Variants in HMGCS2 observed in about 807,000 individuals in gnomAD.
The protein encoded by HMGCS2 is 3-hydroxy-3-methylglutaryl-CoA synthase 2, also known as hydroxymethylglutaryl-CoA synthase, mitochondrial.
A neutral mutation model predicts 57.4 loss-of-function variants in HMGCS2; 50 were observed. The observed-to-expected ratio is 0.87, with a 90% CI of 0.69 to 1.10. The LOEUF is 1.10. Ranked by LOEUF, HMGCS2 falls within the 50% of genes least tolerant of loss-of-function variation. The pLI, the probability that HMGCS2 is intolerant of heterozygous loss-of-function variation, is 0.00. For missense variants in HMGCS2, 627 were observed against 636.5 expected (o/e 0.99, Z 0.16); for synonymous variants, 254 against 245.1 (o/e 1.04, Z -0.34).
intron 5 of HMGCS2, 116 bp downstream of exon 5, chr1:119,757,157 G>T: frequency 6.5e-7 from 1 of 1,539,378 alleles, no homozygotes; most frequent in Non-Finnish European, 8.9e-7. Context: ...CTGTTCTGCT[G>T]GAGGATTGCC....
At chr1:119,757,815 C>T (rs992486810) in intron 4 of HMGCS2, among the ~76,000 whole-genome samples, 6 of 152,248 alleles carry the variant, frequency 3.9e-5, no homozygotes, top group African/African-American at 1.4e-4. Flanking sequence ...TGACTCTACT[C>T]TACAGACTGT....
At chr1:119,750,647 A>G in intron 9 of HMGCS2, 150 bp downstream of exon 9, 1 of 682,926 alleles carries the variant, frequency 1.5e-6, no homozygotes, top group Non-Finnish European at 2.7e-6. Flanking sequence ...TAAAAATTCC[A>G]CAGATAATTC....
At chr1:119,755,165 C>T (rs1652793034) in intron 6 of HMGCS2, among the ~76,000 whole-genome samples, 1 of 152,112 alleles carries the variant, frequency 6.6e-6, no homozygotes, top group South Asian at 2.1e-4. Flanking sequence ...CACACGTGCA[C>T]ACAACCATGC....
chr1:119,752,413 C>G (rs2101247759), intron 8 of HMGCS2, 136 bp downstream of exon 8: 1 of 1,008,042 alleles, frequency 9.9e-7, no homozygotes, highest in Non-Finnish European at 1.6e-6. Context: ...AACAGATCTT[C>G]TAGCAAATCT....
chr1:119,752,667 G>A lies in HMGCS2; in HGVS notation c.1302C>T (p.Pro434=). ...RVSQDAAPGS[P]LDKLVSSTSD... Reference sequence around the variant, plus strand: ...ATGTGCTGGACACCAACTTGTCCAGGGGAGAGCCTGGGAAGCAAAAGCAAG... The same window carrying A: ...ATGTGCTGGACACCAACTTGTCCAGAGGAGAGCCTGGGAAGCAAAAGCAAG... Residue 434 remains proline (P), a synonymous_variant, in exon 8 of 10, where the codon CCC becomes CCT. Coordinates refer to ENST00000369406, the MANE Select transcript of HMGCS2 (RefSeq NM_005518.4). 1 of 1,614,028 alleles carries A rather than the reference G, an allele frequency of 6.2e-7. No individual in the cohort carries two copies. Among genetic ancestry groups the A allele is most frequent in the Non-Finnish European group, 8.5e-7 (1 of 1,179,972 alleles).
Position 119,757,315 on chromosome 1 carries a change from C to G in HMGCS2, c.974G>C (p.Ser325Thr). Reference protein sequence around the residue: ...LMFNDFLSASSDTQTSLYKGL... With the variant: ...LMFNDFLSASTDTQTSLYKGL... Reference sequence around the variant, plus strand: ...CTTATATAAGCTGGTTTGTGTGTCACTGCTGGCTGACAGGAAGTCATTGAA... The same window carrying G: ...CTTATATAAGCTGGTTTGTGTGTCAGTGCTGGCTGACAGGAAGTCATTGAA... The change falls in exon 5 of 10, where the codon AGT becomes ACT. Residue 325 changes from serine (S) to threonine (T), a missense_variant. By Grantham distance (58) the Ser-to-Thr change is moderately conservative. Coordinates refer to ENST00000369406, the MANE Select transcript of HMGCS2 (RefSeq NM_005518.4). The G allele has an allele frequency of 6.2e-7, 1 of 1,614,200 alleles. No individual in the cohort carries two copies. The highest frequency in any genetic ancestry group is 1.1e-5 in the South Asian group (1 of 91,080).
intron 4 of HMGCS2, among the ~76,000 whole-genome samples, chr1:119,758,618 A>G (rs1382077830): frequency 6.6e-6 from 1 of 152,284 alleles, no homozygotes; most frequent in East Asian, 1.9e-4. Context: ...GGGAAATTCC[A>G]AAACTAAAGG....
chr1:119,759,291 G>A lies in HMGCS2; in HGVS notation c.686-9C>T. Reference sequence around the variant, plus strand: ...ATGGGTTCCCCTCAGCCCTGGAAAGGCACACAAAGTGTTTCAGAGACTACA... The same window carrying A: ...ATGGGTTCCCCTCAGCCCTGGAAAGACACACAAAGTGTTTCAGAGACTACA... On this transcript the variant is annotated splice_polypyrimidine_tract_variant and intron_variant, in intron 3 of 9. Transcript: ENST00000369406. 1.2e-6 allele frequency: 2 copies of A among 1,613,156 alleles called. No homozygotes were observed. Among genetic ancestry groups the A allele is most frequent in the Non-Finnish European group, 1.7e-6 (2 of 1,179,600 alleles).
chr1:119,760,681 T>C (rs1200402982), intron 2 of HMGCS2, among the ~76,000 whole-genome samples: 2 of 152,228 alleles, frequency 1.3e-5, no homozygotes, highest in South Asian at 2.1e-4. Context: ...GACTATTATG[T>C]GTTCCACTTT....
At chr1:119,753,485 G>T (rs77063433) in intron 6 of HMGCS2, 99 bp from the exon 7 acceptor site, 51 of 725,422 alleles carry the variant, frequency 7.0e-5, no homozygotes, top group Non-Finnish European at 1.1e-4. Flanking sequence ...ACTTCAAATA[G>T]AACAACAGCC....
chr1:119,760,750 T>C (rs1000110541), intron 2 of HMGCS2, among the ~76,000 whole-genome samples: 2 of 152,132 alleles, frequency 1.3e-5, no homozygotes, highest in African/African-American at 4.8e-5. Context: ...TGGTAGTAAT[T>C]TTAGTATTCT....
Position 119,764,511 on chromosome 1 carries a change from C to A in HMGCS2, c.220G>T (p.Glu74Ter). 6.2e-7 allele frequency: 1 copy of A among 1,613,660 alleles called. No homozygotes were observed. The highest frequency in any genetic ancestry group is 8.5e-7 in the Non-Finnish European group (1 of 1,179,618). ...CCTGCTTCCACATTGTTATACTTCT[C>A]CAGGTCAGTTTGGTCCACATATTGG... is the stretch of plus-strand genomic sequence containing the variant. ...PAQYVDQTDL[E>*]KYNNVEAGKY... The change falls in exon 2 of 10, where the codon GAG (glutamate) becomes TAG (stop). Residue 74 changes from glutamate (E) to a stop codon, truncating the protein, a stop_gained. Coordinates refer to ENST00000369406, the MANE Select transcript of HMGCS2 (RefSeq NM_005518.4). LOFTEE classifies it high-confidence loss of function.
At chr1:119,766,253 C>T (rs992550195) in intron 1 of HMGCS2, among the ~76,000 whole-genome samples, 2 of 152,168 alleles carry the variant, frequency 1.3e-5, no homozygotes, top group Non-Finnish European at 2.9e-5. Flanking sequence ...TTAGTGAAAC[C>T]AAGGCACACA....
upstream of HMGCS2, chr1:119,768,909 C>T: frequency 8.7e-7 from 1 of 1,148,888 alleles, no homozygotes; most frequent in South Asian, 1.3e-5. Flanking sequence ...AAGAGATGCC[C>T]AGTGGTGCCC....
intron 2 of HMGCS2, among the ~76,000 whole-genome samples, chr1:119,760,939 T>C (rs941541713): frequency 2.6e-5 from 4 of 152,018 alleles, no homozygotes; most frequent in African/African-American, 9.7e-5. Context: ...AGCTAATAAA[T>C]GGTAGGGTAA....
intron 6 of HMGCS2, among the ~76,000 whole-genome samples, chr1:119,754,271 G>C (rs1215616107): frequency 6.6e-6 from 1 of 152,148 alleles, no homozygotes; most frequent in East Asian, 1.9e-4. Context: ...TGGCCAGGCT[G>C]TTCTCAAACT....
chr1:119,762,279 A>G (rs1653071736), intron 2 of HMGCS2, among the ~76,000 whole-genome samples: 2 of 152,242 alleles, frequency 1.3e-5, no homozygotes, highest in Admixed American at 1.3e-4. Context: ...TGGAATAGAT[A>G]TGTGTATACT....
rs1652519414 is a variant in HMGCS2, at chr1:119,748,074, A to G, written c.*773T>C. 6.6e-6 allele frequency: 1 copy of G among 152,398 alleles called. No individual in the cohort carries two copies. Among genetic ancestry groups the G allele is most frequent in the Non-Finnish European group, 1.5e-5 (1 of 68,050 alleles). 9.4% of individuals were successfully genotyped at this position (152,398 alleles called of 1,614,324 possible). A position where few individuals can be genotyped will look rare whatever the true frequency, so the allele number is the denominator to read the frequency against. On this transcript the variant is annotated 3_prime_UTR_variant, in exon 10 of 10. Transcript: ENST00000369406. The stretch of plus-strand genomic sequence containing the variant: ...CCTTTGCGCTGTGTTTATTTGTTCA[A>G]ATAACAGCGGCAAGGAATGACCAAG...
chr1:119,759,910 A>T lies in HMGCS2; in HGVS notation c.639T>A (p.Ala213=). 1 of 1,614,196 alleles carries T rather than the reference A, an allele frequency of 6.2e-7. No individual in the cohort carries two copies. The highest frequency in any genetic ancestry group is 8.5e-7 in the Non-Finnish European group (1 of 1,180,010). ...CCTTGGGCCCAATCAGCATAGCCAC[A>T]GCTCCGGCCCCACCTGTGGGACGAG... is the stretch of plus-strand genomic sequence containing the variant. The part of the protein sequence containing the change: ...GNARPTGGAG[A]VAMLIGPKAP... The change falls in exon 3 of 10, where the codon GCT becomes GCA. Residue 213 remains alanine (A), a synonymous_variant. Coordinates refer to ENST00000369406, the MANE Select transcript of HMGCS2 (RefSeq NM_005518.4).
Sources: allele counts gnomAD v4.1 joint callset (sites outside exome capture counted in the v4.1 genomes callset), GRCh38; gene constraint gnomAD v4.1.1; transcripts MANE v1.5; gene names NCBI Gene and HGNC (gene_info 2026-07-23, HGNC 2026-07-21).